The following PLCB4 variants were observed in gnomAD, a reference collection of about 807,000 sequenced individuals.
PLCB4 encodes the protein 1-phosphatidylinositol 4,5-bisphosphate phosphodiesterase beta-4.
In PLCB4, 77 loss-of-function variants were observed where a neutral mutation model predicts 178.8. The ratio of observed to expected loss-of-function variants is 0.43; its 90% confidence interval spans 0.36 to 0.52. The LOEUF is 0.52. Ranked by LOEUF, PLCB4 falls within the 20% of genes least tolerant of loss-of-function variation. The probability of loss-of-function intolerance (pLI) is 0.00; values close to 1 mark genes in which losing one functional copy is unlikely to be tolerated. For missense variants in PLCB4, 1,024 were observed against 1,453.4 expected, an observed-to-expected ratio of 0.70 and a Z score of 4.80; for synonymous variants, 496 against 490.8, an observed-to-expected ratio of 1.01 and a Z score of -0.14.
chr20:9,389,548 C>T (rs1246102263), intron 15 of PLCB4, among the ~76,000 whole-genome samples: 2 of 152,170 alleles, frequency 1.3e-5, no homozygotes, highest in East Asian at 1.9e-4. Context: ...ACCTGCTCCT[C>T]AAGAAGAAAG....
chr20:9,245,390 A>C (rs1227199305), intron 3 of PLCB4, among the ~76,000 whole-genome samples: 1 of 152,190 alleles, frequency 6.6e-6, no homozygotes, highest in Non-Finnish European at 1.5e-5. Context: ...GAATCTGTGA[A>C]TGTTACCTTC....
At chr20:9,080,717 T>A (rs1222375379) in intron 1 of PLCB4, among the ~76,000 whole-genome samples, 1 of 152,174 alleles carries the variant, frequency 6.6e-6, no homozygotes, top group Non-Finnish European at 1.5e-5. Context: ...CTTCTACCAT[T>A]TTTATAACCC....
chr20:9,309,046 G>C (rs80343434), intron 4 of PLCB4, among the ~76,000 whole-genome samples: 4,462 of 151,938 alleles, frequency 0.029, 236 homozygotes, highest in African/African-American at 0.1. Context: ...TGAGATCATA[G>C]AGTAATATTT....
chr20:9,432,175 T>C (rs2041465107), intron 28 of PLCB4, among the ~76,000 whole-genome samples: 1 of 152,184 alleles, frequency 6.6e-6, no homozygotes, highest in Admixed American at 6.5e-5. Flanking sequence ...TAATAAACCA[T>C]GGAAAATATG....
chr20:9,317,390 G>T (rs1297525970), intron 4 of PLCB4, among the ~76,000 whole-genome samples: 1 of 152,026 alleles, frequency 6.6e-6, no homozygotes, highest in African/African-American at 2.4e-5. Context: ...ATTTTTGTGG[G>T]GTAGGGCAGG....
chr20:9,160,102 G>T (rs2146975247), intron 2 of PLCB4, among the ~76,000 whole-genome samples: 1 of 152,296 alleles, frequency 6.6e-6, no homozygotes, highest in African/African-American at 2.4e-5. Flanking sequence ...AGGGTGAGCT[G>T]GATCCAACTC....
chr20:9,320,264 A>G (rs1471049337), intron 4 of PLCB4, among the ~76,000 whole-genome samples: 1 of 152,206 alleles, frequency 6.6e-6, no homozygotes, highest in Non-Finnish European at 1.5e-5. Flanking sequence ...TAGACTATAT[A>G]GGGTAACTTC....
At chr20:9,370,015 AAGG>A (rs2036111127) in intron 9 of PLCB4, among the ~76,000 whole-genome samples, 1 of 152,216 alleles carries the variant, frequency 6.6e-6, no homozygotes, top group Non-Finnish European at 1.5e-5. Context: ...GGAGCGATTG[AAGG>A]CTCCTTGGTG....
chr20:9,393,067 A>G lies in PLCB4; in HGVS notation c.1324-521A>G, dbSNP rs184373557. Reference sequence around the variant, plus strand: ...TCAAGTTCAGATTCCAGGAATTGGAACAACTCCCTTCTTGATTCCCTTATC... The same window carrying G: ...TCAAGTTCAGATTCCAGGAATTGGAGCAACTCCCTTCTTGATTCCCTTATC... On this transcript the variant is annotated intron_variant, in intron 17 of 39. Coordinates refer to ENST00000378473, the MANE Select transcript of PLCB4 (RefSeq NM_001377142.1). Among the ~76,000 whole-genome samples the G allele has an allele frequency of 1.6e-4, 24 of 152,242 alleles. No homozygotes were observed. The East Asian group carries it at 3.5e-3, about 22-fold the overall frequency.
At chr20:9,185,184 A>G (rs1219802272) in intron 2 of PLCB4, among the ~76,000 whole-genome samples, 2 of 152,186 alleles carry the variant, frequency 1.3e-5, no homozygotes, top group African/African-American at 4.8e-5. Flanking sequence ...ATTATAGGTG[A>G]GAGCTACCAC....
At chr20:9,363,220 C>CA (rs941612477) in intron 8 of PLCB4, among the ~76,000 whole-genome samples, 6 of 152,188 alleles carry the variant, frequency 3.9e-5, no homozygotes, top group African/African-American at 1.4e-4. Flanking sequence ...ACTGGAACCT[C>CA]AGTCACTCTG....
intron 7 of PLCB4, among the ~76,000 whole-genome samples, chr20:9,345,525 G>A (rs910373915): frequency 1.3e-5 from 2 of 152,150 alleles, no homozygotes; most frequent in Admixed American, 6.5e-5. Flanking sequence ...GTCACTAGAC[G>A]TAAGATGGAA....
intron 2 of PLCB4, among the ~76,000 whole-genome samples, chr20:9,142,366 G>A (rs1325348044): frequency 6.6e-6 from 1 of 152,144 alleles, no homozygotes; most frequent in South Asian, 2.1e-4. Flanking sequence ...ATTGGAAATG[G>A]ATGGTCACGC....
At chr20:9,234,329 G>C (rs2093969008) in intron 3 of PLCB4, among the ~76,000 whole-genome samples, 1 of 152,166 alleles carries the variant, frequency 6.6e-6, no homozygotes, top group East Asian at 1.9e-4. Flanking sequence ...AGATCCATGA[G>C]AGCTGGGGAT....
At chr20:9,383,598 G>A (rs1021738292) in intron 13 of PLCB4, among the ~76,000 whole-genome samples, 5 of 152,146 alleles carry the variant, frequency 3.3e-5, no homozygotes, top group African/African-American at 1.2e-4. Context: ...ACGTTTCAAT[G>A]ACCACTGTAT....
At chr20:9,070,661 T>A (rs2089524260) in intron 1 of PLCB4, among the ~76,000 whole-genome samples, 1 of 152,214 alleles carries the variant, frequency 6.6e-6, no homozygotes, top group Non-Finnish European at 1.5e-5. Flanking sequence ...AATCACTTTT[T>A]GAAATGGCAA....
chr20:9,071,308 T>C (rs1046566584), intron 1 of PLCB4, among the ~76,000 whole-genome samples: 1 of 152,234 alleles, frequency 6.6e-6, no homozygotes, highest in Admixed American at 6.5e-5. Context: ...TTTGGCAACA[T>C]GGGACAGTTA....
At chr20:9,299,456 G>A (rs1200749741) in intron 3 of PLCB4, among the ~76,000 whole-genome samples, 1 of 151,888 alleles carries the variant, frequency 6.6e-6, no homozygotes, top group African/African-American at 2.4e-5. Context: ...GTAAAACAGT[G>A]TACATATGTA....
At chr20:9,090,201 G>A (rs2090613176) in intron 1 of PLCB4, among the ~76,000 whole-genome samples, 1 of 147,820 alleles carries the variant, frequency 6.8e-6, no homozygotes, top group African/African-American at 2.5e-5. Flanking sequence ...GTGTTATAGT[G>A]TTATTTAATT....
Sources: allele counts gnomAD v4.1 joint callset (sites outside exome capture counted in the v4.1 genomes callset), GRCh38; gene constraint gnomAD v4.1.1; transcripts MANE v1.5; gene names NCBI Gene and HGNC (gene_info 2026-07-23, HGNC 2026-07-21).